The following TRERF1 variants were observed in gnomAD, a reference collection of about 807,000 sequenced individuals.
TRERF1 encodes the protein transcriptional regulating factor 1, also known as transcriptional-regulating factor 1.
A neutral mutation model predicts 122.9 loss-of-function variants in TRERF1; 27 were observed. The ratio of observed to expected loss-of-function variants is 0.22; its 90% CI spans 0.16 to 0.30. The LOEUF (loss-of-function observed/expected upper bound fraction) is 0.30, where lower values mean the gene tolerates loss of function less well. Ranked by LOEUF, TRERF1 falls within the 10% of genes least tolerant of loss-of-function variation. The pLI, the probability that TRERF1 is intolerant of heterozygous loss-of-function variation, is 1.00. For synonymous variants in TRERF1, 636 were observed against 641.7 expected, an observed-to-expected ratio of 0.99 and a Z score of 0.13; for missense variants, 1,248 against 1,560.3, an observed-to-expected ratio of 0.80 and a Z score of 3.37.
At chr6:42,231,474 A>T (rs925183260) in intron 17 of TRERF1, among the ~76,000 whole-genome samples, 2 of 152,206 alleles carry the variant, frequency 1.3e-5, no homozygotes, top group South Asian at 2.1e-4. Context: ...CTCTATGAGG[A>T]TGTATAAGTA....
At chr6:42,375,003 CAAAAAAA>C (rs55696342) in intron 2 of TRERF1, among the ~76,000 whole-genome samples, 1 of 87,504 alleles carries the variant, frequency 1.1e-5, no homozygotes, top group African/African-American at 4.3e-5. Flanking sequence ...AAGATTCTGT[CAAAAAAA>C]AAAAAAAAAA....
At chr6:42,336,486 T>C (rs565683811) in intron 3 of TRERF1, among the ~76,000 whole-genome samples, 1 of 152,276 alleles carries the variant, frequency 6.6e-6, no homozygotes, top group East Asian at 1.9e-4. Context: ...TCAGGAGGTA[T>C]GTCTTCTGCA....
At position 42,263,136 on chromosome 6, in the gene TRERF1, G is replaced by A; in HGVS notation, c.1884+184C>T. The A allele has an allele frequency of 1.5e-6, 2 of 1,330,300 alleles. No individual in the cohort carries two copies. Among genetic ancestry groups the A allele is most frequent in the Non-Finnish European group, 1.9e-6 (2 of 1,041,130 alleles). The allele number at this position is 1,330,300 out of a possible 1,614,324, so 82.4% of individuals were successfully genotyped here. A position where few individuals can be genotyped will look rare whatever the true frequency, so the allele number is the denominator to read the frequency against. On this transcript the variant is annotated intron_variant, in intron 8 of 17. Coordinates refer to ENST00000372922, the Ensembl canonical transcript of TRERF1. This position sits in a 1 kb window ranked among gnomAD's most constrained non-coding sequence, Gnocchi z 5.6. ...GGGTAGGGTTCCCAATGTGGCCACG[G>A]GTTCAGCCCTGAGAGACCAAGCCGT...
In TRERF1 at chr6:42,254,711, C is replaced by T. The variant is rs140994755; in HGVS notation, c.2656+140G>A. 533 of 760,856 alleles carry T rather than the reference C, an allele frequency of 7.0e-4. 3 individuals carry two copies. The highest frequency in any genetic ancestry group is 4.2e-3 in the African/African-American group (248 of 58,518). 47.1% of individuals were successfully genotyped at this position (760,856 alleles called of 1,614,324 possible). A position where few individuals can be genotyped will look rare whatever the true frequency, so the allele number is the denominator to read the frequency against. ...AACAGAGCCAAAGCAACAGACATAGCTCTGCCCTAGGAGGCCTTGAGATCA... is the reference window on the plus strand; with the variant it reads ...AACAGAGCCAAAGCAACAGACATAGTTCTGCCCTAGGAGGCCTTGAGATCA... On this transcript the variant is annotated intron_variant, in intron 13 of 17. Transcript: ENST00000372922.
chr6:42,311,490 C>G (rs530916142), intron 3 of TRERF1, among the ~76,000 whole-genome samples: 2 of 151,732 alleles, frequency 1.3e-5, no homozygotes, highest in Non-Finnish European at 2.9e-5. Flanking sequence ...AGGGGCCGGG[C>G]GCGGTGGCTC....
chr6:42,263,403 CCT>C lies in TRERF1; in HGVS notation c.1799_1800del (p.Gln600ArgfsTer178), dbSNP rs1255535473. 1 of 1,612,390 alleles carries C rather than the reference CCT, an allele frequency of 6.2e-7. No homozygotes were observed. The highest frequency in any genetic ancestry group is 8.5e-7 in the Non-Finnish European group (1 of 1,179,446). On this transcript the variant is annotated frameshift_variant, in exon 8 of 18. Coordinates refer to ENST00000372922, the Ensembl canonical transcript of TRERF1. LOFTEE classifies it high-confidence loss of function. This position sits in a 1 kb window ranked among gnomAD's most constrained non-coding sequence, Gnocchi z 5.6. ...GCGGCAACGGTGCTGTTGGTGAACC[CCT>C]GAGAGCTGGGCTTGGGCGGGAGAAG...
At chr6:42,341,669 C>G (rs1356377374) in intron 3 of TRERF1, among the ~76,000 whole-genome samples, 1 of 152,194 alleles carries the variant, frequency 6.6e-6, no homozygotes, top group East Asian at 1.9e-4. Context: ...CAGGTCTACC[C>G]CTAGCATGGC....
At chr6:42,421,120 C>T (rs1455136843) in intron 2 of TRERF1, among the ~76,000 whole-genome samples, 2 of 152,214 alleles carry the variant, frequency 1.3e-5, no homozygotes, top group Non-Finnish European at 2.9e-5. Context: ...TTCCTCATCT[C>T]TGTAATGGTA....
chr6:42,355,725 G>A (rs1464590887), intron 3 of TRERF1, among the ~76,000 whole-genome samples: 2 of 152,224 alleles, frequency 1.3e-5, no homozygotes, highest in African/African-American at 4.8e-5. Context: ...ACATTACCAT[G>A]TTAGTATACA....
intron 2 of TRERF1, among the ~76,000 whole-genome samples, chr6:42,442,373 T>C (rs1019669882): frequency 6.6e-6 from 1 of 152,004 alleles, no homozygotes; most frequent in African/African-American, 2.4e-5. Flanking sequence ...CTAGAGGCCC[T>C]CAGGAAGGAT....
chr6:42,303,989 T>C (rs557837777), intron 3 of TRERF1, among the ~76,000 whole-genome samples: 1 of 148,066 alleles, frequency 6.8e-6, no homozygotes, highest in Admixed American at 6.8e-5. Flanking sequence ...ATTAGGAACA[T>C]ATTGTGCCTA....
rs1396264650 is a variant in TRERF1, at chr6:42,268,155, T to G, written c.1436A>C (p.Gln479Pro). The G allele has an allele frequency of 6.9e-7, 1 of 1,450,278 alleles. No homozygotes were observed. The highest frequency in any genetic ancestry group is 9.1e-7 in the Non-Finnish European group (1 of 1,100,014). The allele number at this position is 1,450,278 out of a possible 1,614,324, so 89.8% of individuals were successfully genotyped here. Reference sequence around the variant, plus strand: ...GAGAAACTTCCAATGGGAGAATACCTGGGGCCACATGGCACTGGGAGACAG... The same window carrying G: ...GAGAAACTTCCAATGGGAGAATACCGGGGGCCACATGGCACTGGGAGACAG... The change falls in exon 5 of 18, where the codon CAG (glutamine) becomes CCG (proline). Residue 479 changes from glutamine (Q) to proline (P), a missense_variant and splice_region_variant. By Grantham distance (76) the Gln-to-Pro change is moderately conservative. Coordinates refer to ENST00000372922, the Ensembl canonical transcript of TRERF1. The surrounding 1 kb of genome is among the most constrained non-coding windows in gnomAD (Gnocchi z 4.4).
chr6:42,342,591 A>T (rs541811910), intron 3 of TRERF1, among the ~76,000 whole-genome samples: 8 of 152,240 alleles, frequency 5.3e-5, no homozygotes, highest in Admixed American at 2.0e-4. Flanking sequence ...AAAAGAAAAG[A>T]AAAGAAAATG....
chr6:42,259,692 G>A lies in TRERF1; in HGVS notation c.1916C>T (p.Pro639Leu), dbSNP rs1004236107. 2 of 1,605,226 alleles carry A rather than the reference G, an allele frequency of 1.2e-6. No homozygotes were observed. Among genetic ancestry groups the A allele is most frequent in the East Asian group, 4.5e-5 (2 of 44,856 alleles). ...GGTCTTGAGGGGCTCCTCGGCTTTG[G>A]GCACACTCGGCTGATGCTTCCTGGG... is the stretch of plus-strand genomic sequence containing the variant. The change falls in exon 9 of 18, where the codon CCC (proline) becomes CTC (leucine). Residue 639 changes from proline to leucine, a missense_variant. By Grantham distance (98) the Pro-to-Leu change is moderately conservative. Coordinates refer to ENST00000372922, the Ensembl canonical transcript of TRERF1. This position sits in a 1 kb window ranked among gnomAD's most constrained non-coding sequence, Gnocchi z 4.9.
chr6:42,236,503 G>C, intron 15 of TRERF1, 92 bp from the exon 16 acceptor site: 2 of 1,480,614 alleles, frequency 1.4e-6, no homozygotes, highest in South Asian at 1.4e-5. Context: ...AGGAGAGAGG[G>C]GCAGGATGCT....
intron 4 of TRERF1, among the ~76,000 whole-genome samples, chr6:42,274,383 G>T (rs899067820): frequency 9.9e-5 from 15 of 152,248 alleles, no homozygotes; most frequent in African/African-American, 3.6e-4. Context: ...AGCCTCATTT[G>T]TTCAATGAAA....
chr6:42,434,323 A>G (rs1357073148), intron 2 of TRERF1, among the ~76,000 whole-genome samples: 1 of 151,906 alleles, frequency 6.6e-6, no homozygotes, highest in Non-Finnish European at 1.5e-5. Context: ...TGCACTCCAA[A>G]CTCCACAGGG....
chr6:42,313,843 C>T (rs564831971), intron 3 of TRERF1, among the ~76,000 whole-genome samples: 7 of 152,238 alleles, frequency 4.6e-5, no homozygotes, highest in South Asian at 4.2e-4. Flanking sequence ...GGGCTCCAAG[C>T]GGGGAGGTGC....
intron 8 of TRERF1, among the ~76,000 whole-genome samples, chr6:42,262,543 GAGAGAGAGAGA>G (rs1778307306): frequency 1.2e-5 from 1 of 84,734 alleles, no homozygotes; most frequent in Non-Finnish European, 2.4e-5. Context: ...GAGAGAGAGA[GAGAGAGAGAGA>G]GAGAGAGAGA....
Sources: gnomAD v4.1 joint callset for allele counts (sites outside exome capture counted in the v4.1 genomes callset) on GRCh38, gnomAD v4.1.1 for gene constraint, Gnocchi (gnomAD v3.1) non-coding constraint, MANE v1.5 for transcripts, NCBI Gene and HGNC (gene_info 2026-07-23, HGNC 2026-07-21) for gene names.